The following PRKDC variants were observed in gnomAD, a reference collection of about 807,000 sequenced individuals.
PRKDC encodes DNA-dependent protein kinase catalytic subunit.
Under a neutral mutation model 486.9 loss-of-function variants are expected in PRKDC, and 82 were observed. The ratio of observed to expected loss-of-function variants is 0.17; its 90% CI spans 0.14 to 0.20. The LOEUF is 0.20. Among genes scored for constraint, PRKDC ranks in the 10% least tolerant of loss-of-function variants. PRKDC has a pLI of 1.00. For synonymous variants in PRKDC, 1,895 were observed against 1,837.0 expected (o/e 1.03, Z -0.81); for missense variants, 4,504 against 5,038.2 (o/e 0.89, Z 3.21).
intron 52 of PRKDC, among the ~76,000 whole-genome samples, chr8:47,852,355 T>C (rs771317361): frequency 6.6e-6 from 1 of 152,104 alleles, no homozygotes. Context: ...GACAATTTCC[T>C]CCACAAGGAA....
intron 45 of PRKDC, 49 bp from the exon 46 acceptor site, chr8:47,859,808 A>T: frequency 6.7e-7 from 1 of 1,502,268 alleles, no homozygotes; most frequent in Non-Finnish European, 9.1e-7. Context: ...CATAATTAGT[A>T]AGAAATGTAT....
chr8:47,882,071 T>A lies in PRKDC; in HGVS notation c.4803A>T (p.Leu1601Phe). Residue 1601 changes from leucine (L) to phenylalanine (F), a missense_variant, in exon 37 of 86, where the codon TTA becomes TTT. This residue lies in a region of PRKDC where 1,969 missense variants were observed against 2,068.9 expected (regional missense o/e 0.95). Coordinates refer to ENST00000314191, the MANE Select transcript of PRKDC (RefSeq NM_006904.7). ...TTGCTCGCTCCCTGAAGCTCTGGTCTAACATGCCGTTCAAAACGGCACTCA... is the reference window on the plus strand; with the variant it reads ...TTGCTCGCTCCCTGAAGCTCTGGTCAAACATGCCGTTCAAAACGGCACTCA... The part of the protein sequence containing the change: ...KMVSAVLNGM[L>F]DQSFRERANQ... The A allele has an allele frequency of 6.2e-7, 1 of 1,613,940 alleles. No individual in the cohort carries two copies. The highest frequency in any genetic ancestry group is 8.5e-7 in the Non-Finnish European group (1 of 1,179,844).
At chr8:47,822,124 C>T (rs920606505) in intron 64 of PRKDC, among the ~76,000 whole-genome samples, 2 of 152,040 alleles carry the variant, frequency 1.3e-5, no homozygotes, top group African/African-American at 4.8e-5. Context: ...CGCAAAAACT[C>T]TCTACAAAAA....
Position 47,826,791 on chromosome 8 carries a change from C to T in PRKDC, c.8648G>A (p.Ser2883Asn), listed in dbSNP as rs767368973. 6.2e-7 allele frequency: 1 copy of T among 1,609,700 alleles called. No individual in the cohort carries two copies. Among genetic ancestry groups the T allele is most frequent in the South Asian group, 1.1e-5 (1 of 90,300 alleles). Reference protein sequence around the residue: ...PAAVSAGCLASLQQPVGIRLL... With the variant: ...PAAVSAGCLANLQQPVGIRLL... The stretch of plus-strand genomic sequence containing the variant: ...GCGGATGCCCACGGGCTGCTGTAGG[C>T]TGGCCAGGCAACCAGCGCTAACAGC... Residue 2883 changes from serine (S) to asparagine (N), a missense_variant, in exon 63 of 86, where the codon AGC becomes AAC. Ser to Asn is a conservative substitution (Grantham distance 46, BLOSUM62 1). Coordinates refer to ENST00000314191, the MANE Select transcript of PRKDC (RefSeq NM_006904.7).
intron 55 of PRKDC, among the ~76,000 whole-genome samples, chr8:47,839,468 A>C (rs2088095915): frequency 6.6e-6 from 1 of 152,136 alleles, no homozygotes; most frequent in African/African-American, 2.4e-5. Flanking sequence ...GGATGGGCCC[A>C]CAGGAGGCCC....
At position 47,782,692 on chromosome 8, in the gene PRKDC, G is replaced by C. The variant is rs1481674185; in HGVS notation, c.11176-94C>G. On this transcript the variant is annotated intron_variant, in intron 78 of 85. Transcript: ENST00000314191. This position sits in a 1 kb window ranked among gnomAD's most constrained non-coding sequence, Gnocchi z 4.9. The stretch of plus-strand genomic sequence containing the variant: ...AGTGGCTGTGAGCATTCCTCCGTGG[G>C]GCCGCCCTCTGAAGACAGTGCCAAA... 2.0e-5 allele frequency: 27 copies of C among 1,374,154 alleles called. No homozygotes were observed. Among genetic ancestry groups the C allele is most frequent in the Non-Finnish European group, 2.5e-5 (25 of 1,010,758 alleles). 85.1% of individuals were successfully genotyped at this position (1,374,154 alleles called of 1,614,324 possible).
chr8:47,858,852 T>C lies in PRKDC; in HGVS notation c.6342A>G (p.Glu2114=), dbSNP rs201300612. 1.1e-3 allele frequency: 1,729 copies of C among 1,613,038 alleles called. 1 individual carries two copies. Among genetic ancestry groups the C allele is most frequent in the Middle Eastern group, 2.0e-3 (12 of 6,062 alleles). The change falls in exon 47 of 86, where the codon GAA becomes GAG. Residue 2114 remains glutamate (E), a synonymous_variant. Coordinates refer to ENST00000314191, the MANE Select transcript of PRKDC (RefSeq NM_006904.7). The part of the protein sequence containing the change: ...MHRSLGPPQG[E]EDSVPRDLPS... ...GTAAGATGAGTGGGAAAAGCACCTC[T>C]TCTCCTTGAGGCGGGCCCAGGCTTC...
chr8:47,853,268 G>T (rs2088455051), intron 51 of PRKDC, among the ~76,000 whole-genome samples: 1 of 152,334 alleles, frequency 6.6e-6, no homozygotes, highest in East Asian at 1.9e-4. Context: ...CAAAGCCCCA[G>T]CCAGTGACTG....
At chr8:47,802,086 C>T (rs1484951684) in intron 70 of PRKDC, among the ~76,000 whole-genome samples, 1 of 151,984 alleles carries the variant, frequency 6.6e-6, no homozygotes, top group East Asian at 1.9e-4. Flanking sequence ...TTTTTAGAAA[C>T]AGGGTCTCAC....
intron 28 of PRKDC, 112 bp from the exon 29 acceptor site, chr8:47,898,681 T>C (rs980796084): frequency 7.3e-5 from 43 of 588,238 alleles, no homozygotes; most frequent in Non-Finnish European, 1.1e-4. Flanking sequence ...GTAATTTTAC[T>C]ATAGATTTAA....
Position 47,803,349 on chromosome 8 carries a change from G to C in PRKDC, c.9879C>G (p.Cys3293Trp). 1 of 1,614,012 alleles carries C rather than the reference G, an allele frequency of 6.2e-7. No individual in the cohort carries two copies. Among genetic ancestry groups the C allele is most frequent in the Non-Finnish European group, 8.5e-7 (1 of 1,179,890 alleles). ...LSHCRSRSQG[C>W]SEQVLTVLKT... ...TCAGCACAGTGAGCACCTGCTCAGAGCAGCCCTGGGACCGGCTCCGGCAGT... is the reference window on the plus strand; with the variant it reads ...TCAGCACAGTGAGCACCTGCTCAGACCAGCCCTGGGACCGGCTCCGGCAGT... Residue 3293 changes from cysteine to tryptophan, a missense_variant, in exon 70 of 86, where the codon TGC becomes TGG. Transcript: ENST00000314191.
intron 39 of PRKDC, among the ~76,000 whole-genome samples, 200 bp downstream of exon 39, chr8:47,879,291 T>C (rs1310359528): frequency 6.6e-6 from 1 of 152,236 alleles, no homozygotes; most frequent in South Asian, 2.1e-4. Context: ...TGATTCAGTA[T>C]GTGCTTCCTC....
At chr8:47,852,928 A>T (rs887641267) in intron 51 of PRKDC, 144 bp from the exon 52 acceptor site, 3 of 634,196 alleles carry the variant, frequency 4.7e-6, no homozygotes, top group African/African-American at 3.7e-5. Flanking sequence ...AATTCCATGC[A>T]CAAATGCACA....
chr8:47,815,447 G>A (rs1035553448), intron 68 of PRKDC, among the ~76,000 whole-genome samples: 1 of 152,200 alleles, frequency 6.6e-6, no homozygotes, highest in Non-Finnish European at 1.5e-5. Flanking sequence ...AGACCTCAAT[G>A]TAAGACCTAA....
At chr8:47,945,398 CACTA>C (rs1327312808) in intron 7 of PRKDC, among the ~76,000 whole-genome samples, 1 of 152,196 alleles carries the variant, frequency 6.6e-6, no homozygotes, top group African/African-American at 2.4e-5. Context: ...GCCCATCAAA[CACTA>C]ACTCCCATTT....
intron 65 of PRKDC, 46 bp downstream of exon 65, chr8:47,821,558 C>T (rs758752337): frequency 2.0e-6 from 3 of 1,520,992 alleles, no homozygotes; most frequent in Admixed American, 3.9e-5. Context: ...GTAGAAAACA[C>T]CTATCTAAAA....
At position 47,913,960 on chromosome 8, in the gene PRKDC, C is replaced by T; in HGVS notation, c.2722G>A (p.Asp908Asn). 1 of 1,612,160 alleles carries T rather than the reference C, an allele frequency of 6.2e-7. No individual in the cohort carries two copies. Among genetic ancestry groups the T allele is most frequent in the Non-Finnish European group, 8.5e-7 (1 of 1,178,990 alleles). Residue 908 changes from aspartate to asparagine, a missense_variant, in exon 24 of 86, where the codon GAT (aspartate) becomes AAT (asparagine). Around this residue, in one of 6 missense-constraint regions of PRKDC, gnomAD observed 1,969 missense variants for 2,068.9 expected, o/e 0.95. Transcript: ENST00000314191. ...FREMKPVIFL[D>N]VFLPRVTELA... ...TCTGTGACTCGAGGCAGGAACACAT[C>T]CAGGAAAATGACAGGTTTCATCTCT...
In PRKDC at chr8:47,782,532, G is replaced by A; in HGVS notation, c.11242C>T (p.His3748Tyr). The change falls in exon 79 of 86, where the codon CAC becomes TAC. Residue 3748 changes from histidine (H) to tyrosine (Y), a missense_variant. By Grantham distance (83) the His-to-Tyr change is moderately conservative. Coordinates refer to ENST00000314191, the MANE Select transcript of PRKDC (RefSeq NM_006904.7). This position sits in a 1 kb window ranked among gnomAD's most constrained non-coding sequence, Gnocchi z 4.9. The part of the protein sequence containing the change: ...IIIRGHDERE[H>Y]PFLVKGGEDL... ...TCGCCACCCTTCACCAGGAAAGGGT[G>A]TTCCCTCTCGTCATGGCCACGGATG... 6.3e-7 allele frequency: 1 copy of A among 1,575,252 alleles called. No individual in the cohort carries two copies. The highest frequency in any genetic ancestry group is 2.3e-5 in the East Asian group (1 of 42,828).
intron 21 of PRKDC, among the ~76,000 whole-genome samples, chr8:47,924,703 ACTCTCT>A (rs997267277): frequency 1.3e-5 from 2 of 151,502 alleles, no homozygotes; most frequent in Non-Finnish European, 1.5e-5. Flanking sequence ...ACAAACACAC[ACTCTCT>A]CTCTCTCAGT....
Sources: gnomAD v4.1 joint callset for allele counts (sites outside exome capture counted in the v4.1 genomes callset) on GRCh38, gnomAD v4.1.1 for gene constraint, gnomAD v4.1.1 regional missense constraint, Gnocchi (gnomAD v3.1) non-coding constraint, MANE v1.5 for transcripts, NCBI Gene and HGNC (gene_info 2026-07-23, HGNC 2026-07-21) for gene names.